DIAPH2: variants seen among roughly 807,000 people sequenced by gnomAD.
The protein encoded by DIAPH2 is diaphanous related formin 2.
A neutral mutation model predicts 92.7 loss-of-function variants in DIAPH2; 35 were observed. That is an observed-to-expected ratio of 0.38 (90% CI 0.29 to 0.50). The LOEUF is 0.50. DIAPH2 is among the 20% of genes least tolerant of loss of function. The pLI, the probability that DIAPH2 is intolerant of heterozygous loss-of-function variation, is 0.94. For missense variants in DIAPH2, 701 were observed against 819.5 expected (o/e 0.86, Z 1.77); for synonymous variants, 301 against 280.4 (o/e 1.07, Z -0.73).
intron 1 of DIAPH2, among the ~76,000 whole-genome samples, chrX:96,718,658 C>T (rs986938400): frequency 1.8e-5 from 2 of 111,041 alleles, no homozygotes; most frequent in Non-Finnish European, 3.8e-5. Flanking sequence ...CCAGCCACCA[C>T]GTTTTCTTTA....
intron 25 of DIAPH2, among the ~76,000 whole-genome samples, chrX:97,408,596 TCTAAATTA>T (rs1281585409): frequency 8.9e-6 from 1 of 111,862 alleles, no homozygotes; most frequent in Non-Finnish European, 1.9e-5. Flanking sequence ...ATAAAAATTG[TCTAAATTA>T]CCTGAATTTA....
intron 26 of DIAPH2, among the ~76,000 whole-genome samples, chrX:97,545,850 C>T (rs1359441904): frequency 9.3e-6 from 1 of 107,111 alleles, no homozygotes; most frequent in Non-Finnish European, 1.9e-5. Flanking sequence ...ATCCAATTTT[C>T]AACTTAGTCT....
chrX:97,132,139 G>A (rs973245204), intron 21 of DIAPH2, among the ~76,000 whole-genome samples: 2 of 111,943 alleles, frequency 1.8e-5, no homozygotes, highest in African/African-American at 6.5e-5. Context: ...TTCACAGATT[G>A]CTACCATAAA....
At chrX:97,517,299 G>C (rs1344385404) in intron 26 of DIAPH2, among the ~76,000 whole-genome samples, 1 of 111,612 alleles carries the variant, frequency 9.0e-6, no homozygotes, top group Non-Finnish European at 1.9e-5. Flanking sequence ...ACAGGTGATG[G>C]TTTAAGAAAA....
chrX:97,299,506 T>C (rs1407256053), intron 23 of DIAPH2, among the ~76,000 whole-genome samples: 1 of 111,882 alleles, frequency 8.9e-6, no homozygotes, highest in African/African-American at 3.2e-5. Context: ...GATTCAACTT[T>C]TAGCACTGGG....
chrX:97,054,082 CAT>C (rs1438262468), intron 17 of DIAPH2, among the ~76,000 whole-genome samples: 1 of 111,810 alleles, frequency 8.9e-6, no homozygotes, highest in Non-Finnish European at 1.9e-5. Flanking sequence ...AAATTGAAAA[CAT>C]AATCATAGAT....
At chrX:96,908,988 T>A (rs942634444) in intron 5 of DIAPH2, among the ~76,000 whole-genome samples, 1 of 111,863 alleles carries the variant, frequency 8.9e-6, no homozygotes, top group African/African-American at 3.2e-5. Context: ...GTTCTGAGCC[T>A]GAGTCTTGCC....
intron 26 of DIAPH2, among the ~76,000 whole-genome samples, chrX:97,444,042 C>T (rs889643827): frequency 8.9e-6 from 1 of 112,187 alleles, no homozygotes; most frequent in Non-Finnish European, 1.9e-5. Flanking sequence ...CCAACTGTCA[C>T]ACTTATTTGC....
intron 26 of DIAPH2, among the ~76,000 whole-genome samples, chrX:97,446,497 GAAA>G (rs1478683863): frequency 9.0e-6 from 1 of 111,586 alleles, no homozygotes; most frequent in East Asian, 2.8e-4. Context: ...GTAAAACAAA[GAAA>G]AAAATAATTT....
intron 26 of DIAPH2, among the ~76,000 whole-genome samples, chrX:97,490,118 C>T (rs1441148506): frequency 2.7e-5 from 3 of 110,827 alleles, no homozygotes; most frequent in Admixed American, 1.9e-4. Context: ...TTTAGATTTT[C>T]CATTTCATCA....
chrX:96,995,349 G>T (rs1054975309), intron 17 of DIAPH2, among the ~76,000 whole-genome samples: 1 of 111,554 alleles, frequency 9.0e-6, no homozygotes, highest in African/African-American at 3.3e-5. Context: ...AATACAGGAG[G>T]AATGTAACGT....
Position 97,603,635 on chromosome X carries a change from T to C in DIAPH2, c.*4318T>C, listed in dbSNP as rs2147892871. 8.9e-6 allele frequency: 1 copy of C among 112,398 alleles called. No individual in the cohort carries two copies. The highest frequency in any genetic ancestry group is 9.4e-5 in the Admixed American group (1 of 10,619). 9.3% of individuals were successfully genotyped at this position (112,398 alleles called of 1,213,427 possible). Reference sequence around the variant, plus strand: ...AGAAACTAAGCTATATCTCTAACACTAGACTTGAAAATTTCCTCAGCTAAA... The same window carrying C: ...AGAAACTAAGCTATATCTCTAACACCAGACTTGAAAATTTCCTCAGCTAAA... On this transcript the variant is annotated 3_prime_UTR_variant, in exon 27 of 27. Transcript: ENST00000324765.
intron 22 of DIAPH2, among the ~76,000 whole-genome samples, chrX:97,175,208 T>C (rs187944635): frequency 6.0e-4 from 67 of 111,601 alleles, no homozygotes; most frequent in African/African-American, 2.0e-3. Context: ...AAAAACCTTT[T>C]ATAGCGTTAT....
intron 17 of DIAPH2, among the ~76,000 whole-genome samples, chrX:97,031,915 A>G (rs1260584528): frequency 3.6e-5 from 4 of 111,640 alleles, no homozygotes; most frequent in Non-Finnish European, 7.5e-5. Context: ...TCTAGACACA[A>G]TGAGAGTACA....
At chrX:97,524,558 G>C (rs1421985433) in intron 26 of DIAPH2, among the ~76,000 whole-genome samples, 1 of 111,930 alleles carries the variant, frequency 8.9e-6, no homozygotes, top group Non-Finnish European at 1.9e-5. Flanking sequence ...CAGAAATAGA[G>C]GCATAGATAA....
intron 26 of DIAPH2, among the ~76,000 whole-genome samples, chrX:97,594,569 A>G (rs776630768): frequency 1.2e-4 from 14 of 112,812 alleles, no homozygotes; most frequent in African/African-American, 3.9e-4. Context: ...CCTAAGCTGC[A>G]ATAGACCCAG....
intron 26 of DIAPH2, among the ~76,000 whole-genome samples, chrX:97,578,570 T>C (rs1166253849): frequency 4.5e-5 from 4 of 88,972 alleles, no homozygotes; most frequent in Non-Finnish European, 8.9e-5. Flanking sequence ...CAGTCTATCA[T>C]TGTTAGACAT....
intron 23 of DIAPH2, among the ~76,000 whole-genome samples, chrX:97,275,543 G>A (rs2068439466): frequency 1.0e-5 from 1 of 100,056 alleles, no homozygotes. Flanking sequence ...CGGGCGGAGG[G>A]GCTCCTCACT....
At chrX:97,429,554 G>T (rs2070105189) in intron 25 of DIAPH2, 96 bp from the exon 26 acceptor site, 1 of 1,056,490 alleles carries the variant, frequency 9.5e-7, no homozygotes, top group African/African-American at 1.9e-5. Context: ...TTAATTTAGG[G>T]GTATTATGTA....
Sources: gnomAD v4.1 joint callset for allele counts (sites outside exome capture counted in the v4.1 genomes callset) on GRCh38, gnomAD v4.1.1 for gene constraint, MANE v1.5 for transcripts, NCBI Gene and HGNC (gene_info 2026-07-23, HGNC 2026-07-21) for gene names.